The following ST6GALNAC2 variants were observed in gnomAD, a reference collection of about 807,000 sequenced individuals.
The protein encoded by ST6GALNAC2 is ST6 N-acetylgalactosaminide alpha-2,6-sialyltransferase 2.
A neutral mutation model predicts 38.7 loss-of-function variants in ST6GALNAC2; 42 were observed. The ratio of observed to expected loss-of-function variants is 1.09; its 90% CI spans 0.85 to 1.40. The LOEUF is 1.40. Ranked by LOEUF, ST6GALNAC2 falls within the 40% of genes most tolerant of loss-of-function variation. ST6GALNAC2 has a pLI of 0.00. For synonymous variants in ST6GALNAC2, 233 were observed against 209.0 expected, an observed-to-expected ratio of 1.11 and a Z score of -0.99; for missense variants, 506 against 481.7, an observed-to-expected ratio of 1.05 and a Z score of -0.47.
intron 8 of ST6GALNAC2, 57 bp from the exon 9 acceptor site, chr17:76,566,328 C>A: frequency 1.9e-6 from 3 of 1,581,140 alleles, no homozygotes; most frequent in South Asian, 1.1e-5. Flanking sequence ...TGTACAGACA[C>A]TTGGGTGAAG....
intron 2 of ST6GALNAC2, among the ~76,000 whole-genome samples, chr17:76,575,084 G>T (rs1470460950): frequency 6.6e-6 from 1 of 152,142 alleles, no homozygotes; most frequent in Non-Finnish European, 1.5e-5. Context: ...TGGCCTGGTG[G>T]TTCTGGCCTC....
rs142432710 is a variant in ST6GALNAC2 at position 76,574,378 on chromosome 17, C to T, written c.348G>A (p.Gly116=). 1.9e-6 allele frequency: 3 copies of T among 1,612,044 alleles called. No homozygotes were observed. The highest frequency in any genetic ancestry group is 1.3e-5 in the African/African-American group (1 of 75,018). Residue 116 remains glycine, a synonymous_variant, in exon 3 of 9, where the codon GGG becomes GGA. Transcript: ENST00000225276. ...SQHKAPYGWR[G]LSHQVIASTL... ...GGCGCGGGTTACCTTGGTGAGAGAG[C>T]CCCCGCCAGCCATACGGGGCTTTGT...
chr17:76,570,722 T>G, intron 5 of ST6GALNAC2, 54 bp from the exon 6 acceptor site: 1 of 1,417,976 alleles, frequency 7.1e-7, no homozygotes, highest in Admixed American at 1.8e-5. Context: ...GTTTAGCTCC[T>G]CAGTGTGGAC....
intron 8 of ST6GALNAC2, 21 bp downstream of exon 8, chr17:76,567,432 C>T (rs2075298473): frequency 6.3e-7 from 1 of 1,578,620 alleles, no homozygotes; most frequent in East Asian, 2.2e-5. Context: ...GCATGGGCTT[C>T]TGGAAGAGAA....
rs62086616 is a variant in ST6GALNAC2, at chr17:76,573,560, C to T, written c.362-197G>A. ...GCTGACAGTGGAAGAGGGGGCTTGG[C>T]GGCCTTCACTTGTCTTAAGAACTTG... On this transcript the variant is annotated intron_variant, in intron 3 of 8. Transcript: ENST00000225276. The surrounding 1 kb of genome is among the most constrained non-coding windows in gnomAD (Gnocchi z 5.1). 0.027 allele frequency among the ~76,000 whole-genome samples: 4,158 copies of T among 152,184 alleles called. 98 individuals are homozygous for T. The highest frequency in any genetic ancestry group is 0.039 in the Non-Finnish European group (2,662 of 67,984).
At position 76,573,125 on chromosome 17, in the gene ST6GALNAC2, C is replaced by G; in HGVS notation, c.530+70G>C. ...GCCACTGCTGCCATAGCCCACTGCCCCTGGGGGAGACACCCCCACCCTCCA... is the reference window on the plus strand; with the variant it reads ...GCCACTGCTGCCATAGCCCACTGCCGCTGGGGGAGACACCCCCACCCTCCA... On this transcript the variant is annotated intron_variant, in intron 4 of 8. Transcript: ENST00000225276. This position sits in a 1 kb window ranked among gnomAD's most constrained non-coding sequence, Gnocchi z 5.1. The G allele has an allele frequency of 6.7e-7, 1 of 1,493,402 alleles. No homozygotes were observed. The highest frequency in any genetic ancestry group is 2.3e-5 in the East Asian group (1 of 43,404). The allele number at this position is 1,493,402 out of a possible 1,614,324, so 92.5% of individuals were successfully genotyped here.
At chr17:76,574,047 G>A (rs553700148) in intron 3 of ST6GALNAC2, among the ~76,000 whole-genome samples, 4 of 152,318 alleles carry the variant, frequency 2.6e-5, no homozygotes, top group East Asian at 1.9e-4. Context: ...AGCAGCAACC[G>A]TGAGTGAGGT....
intron 2 of ST6GALNAC2, among the ~76,000 whole-genome samples, chr17:76,575,240 C>T (rs899609737): frequency 1.3e-5 from 2 of 152,152 alleles, no homozygotes; most frequent in Non-Finnish European, 2.9e-5. Flanking sequence ...TACTGGTACT[C>T]GCTGTATAAT....
intron 7 of ST6GALNAC2, 111 bp downstream of exon 7, chr17:76,568,602 C>G: frequency 9.9e-7 from 1 of 1,008,070 alleles, no homozygotes; most frequent in Non-Finnish European, 1.6e-6. Flanking sequence ...CAGTGGAGCT[C>G]TGGTTATCGG....
chr17:76,585,095 T>C (rs912873307), intron 1 of ST6GALNAC2, among the ~76,000 whole-genome samples: 56 of 152,080 alleles, frequency 3.7e-4, no homozygotes, highest in Non-Finnish European at 6.3e-4. Flanking sequence ...CACCCCTCTT[T>C]CCCTCGGGCG....
chr17:76,573,094 G>T lies in ST6GALNAC2; in HGVS notation c.530+101C>A, dbSNP rs1335988177. 6.1e-6 allele frequency: 8 copies of T among 1,313,722 alleles called. No individual in the cohort carries two copies. Among genetic ancestry groups the T allele is most frequent in the Non-Finnish European group, 3.1e-6 (3 of 963,980 alleles). The allele number at this position is 1,313,722 out of a possible 1,614,324, so 81.4% of individuals were successfully genotyped here. A position where few individuals can be genotyped will look rare whatever the true frequency, so the allele number is the denominator to read the frequency against. ...GTGTGCTGGTCACAACTGCTGAGCC[G>T]CCCAGGCCACTGCTGCCATAGCCCA... On this transcript the variant is annotated intron_variant, in intron 4 of 8. Coordinates refer to ENST00000225276, the MANE Select transcript of ST6GALNAC2 (RefSeq NM_006456.3). This position sits in a 1 kb window ranked among gnomAD's most constrained non-coding sequence, Gnocchi z 5.1.
Position 76,570,648 on chromosome 17 carries a change from G to C in ST6GALNAC2, c.690C>G (p.Ile230Met). The change falls in exon 6 of 9, where the codon ATC becomes ATG. Residue 230 changes from isoleucine to methionine, a missense_variant. Physicochemically the swap from Ile to Met is conservative, Grantham distance 10. Transcript: ENST00000225276. ...PQGQDLQYIF[I>M]PSDIRDYVML... ...TCACATAGTCGCGGATGTCTGAGGG[G>C]ATGAAGATATACTGCAGGTCCTGTC... 1 of 1,612,440 alleles carries C rather than the reference G, an allele frequency of 6.2e-7. No individual in the cohort carries two copies. Among genetic ancestry groups the C allele is most frequent in the Admixed American group, 1.7e-5 (1 of 59,936 alleles).
At chr17:76,567,602 A>G in intron 7 of ST6GALNAC2, 50 bp from the exon 8 acceptor site, 3 of 1,186,792 alleles carry the variant, frequency 2.5e-6, no homozygotes, top group Non-Finnish European at 3.8e-6. Context: ...GGCTATCATC[A>G]CACTTCACAA....
At chr17:76,567,341 C>A in intron 8 of ST6GALNAC2, 112 bp downstream of exon 8, 1 of 752,544 alleles carries the variant, frequency 1.3e-6, no homozygotes. Flanking sequence ...GGGGATTCCA[C>A]GAACAGAGGC....
At chr17:76,584,595 G>C (rs141564963) in intron 1 of ST6GALNAC2, among the ~76,000 whole-genome samples, 2,651 of 152,116 alleles carry the variant, frequency 0.017, 81 homozygotes, top group African/African-American at 0.06. Flanking sequence ...TCCCACCTCC[G>C]CCTCCCAGAG....
rs150825597 is a variant in ST6GALNAC2 at position 76,567,912 on chromosome 17, G to C, written c.858-360C>G. The C allele has an allele frequency of 8.4e-4, 231 of 275,764 alleles. 1 individual carries two copies. Among genetic ancestry groups the C allele is most frequent in the African/African-American group, 4.6e-3 (209 of 45,274 alleles). The allele number at this position is 275,764 out of a possible 1,614,324, so 17.1% of individuals were successfully genotyped here. On this transcript the variant is annotated intron_variant, in intron 7 of 8. Transcript: ENST00000225276. Reference sequence around the variant, plus strand: ...AGGAATCACGTGTGAGGGACAGGGAGCTCAGACCCTGTGACCGGACCCACA... The same window carrying C: ...AGGAATCACGTGTGAGGGACAGGGACCTCAGACCCTGTGACCGGACCCACA...
intron 2 of ST6GALNAC2, among the ~76,000 whole-genome samples, chr17:76,575,355 G>T (rs2075403858): frequency 6.6e-6 from 1 of 152,184 alleles, no homozygotes; most frequent in Non-Finnish European, 1.5e-5. Flanking sequence ...CAGAGCCTTG[G>T]AATGTGACCT....
chr17:76,585,723 G>C lies in ST6GALNAC2; in HGVS notation c.86C>G (p.Ser29Trp). 1.9e-6 allele frequency: 3 copies of C among 1,539,310 alleles called. No individual in the cohort carries two copies. Among genetic ancestry groups the C allele is most frequent in the Non-Finnish European group, 2.6e-6 (3 of 1,145,432 alleles). The change falls in exon 1 of 9, where the codon TCG becomes TGG. Residue 29 changes from serine (S) to tryptophan (W), a missense_variant. By Grantham distance (177) the Ser-to-Trp change is radical. Transcript: ENST00000225276. Reference protein sequence around the residue: ...CSGLLFALYFSAVQRYPGPAA... With the variant: ...CSGLLFALYFWAVQRYPGPAA... ...TGGCCCCGGGTACCGCTGCACCGCC[G>C]AGAAGTACAGGGCAAAGAGGAGCCC...
intron 1 of ST6GALNAC2, among the ~76,000 whole-genome samples, chr17:76,579,636 G>T (rs1341032860): frequency 2.6e-5 from 4 of 152,214 alleles, no homozygotes; most frequent in Non-Finnish European, 4.4e-5. Flanking sequence ...ACCTTTAAGA[G>T]GTGATTAGGT....
Sources: allele counts gnomAD v4.1 joint callset (sites outside exome capture counted in the v4.1 genomes callset), GRCh38; gene constraint gnomAD v4.1.1; non-coding constraint Gnocchi (gnomAD v3.1); transcripts MANE v1.5; gene names NCBI Gene and HGNC (gene_info 2026-07-23, HGNC 2026-07-21).